COTL1: variants seen among roughly 807,000 people sequenced by gnomAD.
COTL1 encodes the protein coactosin like F-actin binding protein 1.
Under a neutral mutation model 16.5 loss-of-function variants are expected in COTL1, and 15 were observed. That is an observed-to-expected ratio of 0.91 (90% CI 0.61 to 1.40). The LOEUF is 1.40. COTL1 is among the 40% of genes most tolerant of loss of function. The pLI is 0.00. For missense variants in COTL1, 220 were observed against 201.5 expected (o/e 1.09, Z -0.56); for synonymous variants, 112 against 85.3 (o/e 1.31, Z -1.73).
chr16:84,613,828 GC>G (rs569833379), intron 2 of COTL1, among the ~76,000 whole-genome samples: 16 of 150,474 alleles, frequency 1.1e-4, no homozygotes, highest in South Asian at 4.3e-4. Flanking sequence ...GGGCTGCCCC[GC>G]CCCCCACCCA....
chr16:84,607,388 C>T (rs1905235236), intron 2 of COTL1, among the ~76,000 whole-genome samples: 1 of 151,158 alleles, frequency 6.6e-6, no homozygotes, highest in African/African-American at 2.4e-5. Context: ...GATCTGGATT[C>T]AAAGTGCAGT....
At chr16:84,570,112 C>T (rs1157128916) in intron 3 of COTL1, among the ~76,000 whole-genome samples, 1 of 152,050 alleles carries the variant, frequency 6.6e-6, no homozygotes, top group Non-Finnish European at 1.5e-5. Flanking sequence ...CCCTAATCTA[C>T]TAAAAATATA....
intron 2 of COTL1, among the ~76,000 whole-genome samples, chr16:84,606,699 G>T (rs1413332403): frequency 6.6e-6 from 1 of 152,190 alleles, no homozygotes; most frequent in African/African-American, 2.4e-5. Context: ...GCACAGCCTG[G>T]AGTGCAGAAA....
intron 3 of COTL1, among the ~76,000 whole-genome samples, chr16:84,586,882 G>T (rs1567534295): frequency 6.6e-6 from 1 of 152,116 alleles, no homozygotes; most frequent in Non-Finnish European, 1.5e-5. Context: ...GAGCCACCAC[G>T]CCTGGCCTGT....
At chr16:84,593,816 G>T (rs1456479032) in intron 2 of COTL1, among the ~76,000 whole-genome samples, 1 of 152,182 alleles carries the variant, frequency 6.6e-6, no homozygotes, top group African/African-American at 2.4e-5. Flanking sequence ...CCACTTTAAA[G>T]CATCCAATTC....
rs548585051 is a variant in COTL1 at position 84,610,914 on chromosome 16, C to A, written c.160+6587G>T. Among the ~76,000 whole-genome samples, 7 of 152,244 alleles carry A rather than the reference C, an allele frequency of 4.6e-5. No homozygotes were observed. The East Asian group carries it at 1.3e-3, about 29-fold the overall frequency. ...TTCATGAAGAAGCCTTTTCTGGTAA[C>A]CACCCCACATCTCAAATTTATTTCA... On this transcript the variant is annotated intron_variant, in intron 2 of 3. Transcript: ENST00000262428.
intron 2 of COTL1, among the ~76,000 whole-genome samples, chr16:84,615,365 G>T (rs1905446333): frequency 6.6e-6 from 1 of 152,236 alleles, no homozygotes; most frequent in East Asian, 1.9e-4. Flanking sequence ...CCACAAGCCT[G>T]TGGGAGGAGG....
chr16:84,606,988 G>A (rs1412790750), intron 2 of COTL1, among the ~76,000 whole-genome samples: 2 of 152,196 alleles, frequency 1.3e-5, no homozygotes. Flanking sequence ...TATGACCCAG[G>A]ATTCAGCCCA....
rs116742580 is a variant in COTL1, at chr16:84,614,628, G to T, written c.160+2873C>A. Reference sequence around the variant, plus strand: ...ACCCCAGGAAGGCCCACACCCTGAGGTTATAAGGAAGAAACTGGGTGCTGT... The same window carrying T: ...ACCCCAGGAAGGCCCACACCCTGAGTTTATAAGGAAGAAACTGGGTGCTGT... On this transcript the variant is annotated intron_variant, in intron 2 of 3. Coordinates refer to ENST00000262428, the MANE Select transcript of COTL1 (RefSeq NM_021149.5). Among the ~76,000 whole-genome samples the T allele has an allele frequency of 4.6e-3, 696 of 152,226 alleles. 4 individuals are homozygous for T. Among genetic ancestry groups the T allele is most frequent in the African/African-American group, 0.016 (649 of 41,520 alleles).
chr16:84,581,907 C>G (rs1434355294), intron 3 of COTL1, among the ~76,000 whole-genome samples: 1 of 151,294 alleles, frequency 6.6e-6, no homozygotes, highest in Non-Finnish European at 1.5e-5. Context: ...ATGCAGAGAA[C>G]AGTTACTGAG....
intron 3 of COTL1, among the ~76,000 whole-genome samples, chr16:84,581,987 T>C (rs1236563641): frequency 1.2e-5 from 1 of 81,030 alleles, no homozygotes; most frequent in African/African-American, 4.3e-5. Flanking sequence ...TCTTTTTTTT[T>C]TTTTTTTTTT....
rs141532671 is a variant in COTL1 at position 84,581,836 on chromosome 16, T to C, written c.318+8269A>G. 6.4e-3 allele frequency among the ~76,000 whole-genome samples: 973 copies of C among 151,744 alleles called. 9 individuals are homozygous for C. Among genetic ancestry groups the C allele is most frequent in the African/African-American group, 0.022 (920 of 41,386 alleles). On this transcript the variant is annotated intron_variant, in intron 3 of 3. Coordinates refer to ENST00000262428, the MANE Select transcript of COTL1 (RefSeq NM_021149.5). ...TTTCTATTGAAACAGAAGCAGAGAT[T>C]TGGAAATTTCAACCTAGCCCCAAGT...
intron 3 of COTL1, among the ~76,000 whole-genome samples, chr16:84,572,823 G>C (rs1416912415): frequency 6.6e-6 from 1 of 152,116 alleles, no homozygotes; most frequent in African/African-American, 2.4e-5. Flanking sequence ...TGCAATCTCA[G>C]CTCACTGCAA....
At chr16:84,586,565 C>A (rs2031145133) in intron 3 of COTL1, among the ~76,000 whole-genome samples, 1 of 152,106 alleles carries the variant, frequency 6.6e-6, no homozygotes, top group Admixed American at 6.6e-5. Flanking sequence ...TTTAAAATGG[C>A]TACAATGGTA....
chr16:84,613,392 G>C (rs946855745), intron 2 of COTL1, among the ~76,000 whole-genome samples: 1 of 152,200 alleles, frequency 6.6e-6, no homozygotes, highest in African/African-American at 2.4e-5. Context: ...AATGAGTTGA[G>C]ATGGGGAAGA....
chr16:84,598,660 C>T (rs1905053427), intron 2 of COTL1, among the ~76,000 whole-genome samples: 1 of 151,254 alleles, frequency 6.6e-6, no homozygotes, highest in African/African-American at 2.4e-5. Flanking sequence ...CCCCCCAACC[C>T]CCCCCACCAA....
chr16:84,598,740 G>A (rs1055099737), intron 2 of COTL1, among the ~76,000 whole-genome samples: 2 of 149,692 alleles, frequency 1.3e-5, no homozygotes, highest in South Asian at 2.2e-4. Context: ...GAGACAGTGG[G>A]GGTGGGAAGG....
At chr16:84,616,294 A>T (rs994804862) in intron 2 of COTL1, 4 of 152,106 alleles carry the variant, frequency 2.6e-5, no homozygotes, top group Non-Finnish European at 4.4e-5. Context: ...TAAGGTCAGA[A>T]GTTAGAGACC....
At chr16:84,600,223 G>A (rs112116613) in intron 2 of COTL1, among the ~76,000 whole-genome samples, 2,235 of 151,808 alleles carry the variant, frequency 0.015, 56 homozygotes, top group African/African-American at 0.051. Context: ...CTTTGCAAAA[G>A]TATTAAAAAG....
Sources: gnomAD v4.1 joint callset for allele counts (sites outside exome capture counted in the v4.1 genomes callset) on GRCh38, gnomAD v4.1.1 for gene constraint, MANE v1.5 for transcripts, NCBI Gene and HGNC (gene_info 2026-07-23, HGNC 2026-07-21) for gene names.